The following NRXN1 variants were observed in gnomAD, a reference collection of about 807,000 sequenced individuals.
NRXN1 encodes the protein neurexin-1.
In NRXN1, 39 loss-of-function variants were observed where a neutral mutation model predicts 150.9. That is an observed-to-expected ratio of 0.26 (90% CI 0.20 to 0.34). The LOEUF (loss-of-function observed/expected upper bound fraction) is 0.34. Among genes scored for constraint, NRXN1 ranks in the 10% least tolerant of loss-of-function variants. NRXN1 has a pLI of 1.00. For missense variants in NRXN1, 1,815 were observed against 1,949.9 expected (o/e 0.93, Z 1.30); for synonymous variants, 924 against 757.0 (o/e 1.22, Z -3.62).
At chr2:50,018,054 A>C (rs2152555764) in intron 21 of NRXN1, among the ~76,000 whole-genome samples, 1 of 152,282 alleles carries the variant, frequency 6.6e-6, no homozygotes, top group South Asian at 2.1e-4. Flanking sequence ...ACAGACTGTA[A>C]CCTTGATGCT....
intron 17 of NRXN1, among the ~76,000 whole-genome samples, chr2:50,426,009 G>C (rs1251514332): frequency 6.6e-6 from 1 of 152,160 alleles, no homozygotes; most frequent in African/African-American, 2.4e-5. Context: ...ACTTGTTACA[G>C]AGACATTTTA....
chr2:50,225,945 TG>T (rs1476671817), intron 18 of NRXN1, among the ~76,000 whole-genome samples: 1 of 151,978 alleles, frequency 6.6e-6, no homozygotes, highest in Non-Finnish European at 1.5e-5. Context: ...ATGTGATATG[TG>T]GTATACTAAA....
At chr2:50,217,669 G>T (rs2063497850) in intron 18 of NRXN1, among the ~76,000 whole-genome samples, 1 of 151,998 alleles carries the variant, frequency 6.6e-6, no homozygotes, top group South Asian at 2.1e-4. Flanking sequence ...GGTCTGTGGA[G>T]CAAGTCTGTC....
At chr2:50,640,889 C>A (rs939032272) in intron 5 of NRXN1, among the ~76,000 whole-genome samples, 2 of 152,074 alleles carry the variant, frequency 1.3e-5, no homozygotes, top group African/African-American at 4.8e-5. Flanking sequence ...AAGAAGGCAA[C>A]TGTCGATATT....
intron 9 of NRXN1, among the ~76,000 whole-genome samples, chr2:50,546,892 G>A (rs1401139442): frequency 6.6e-6 from 1 of 152,180 alleles, no homozygotes; most frequent in East Asian, 1.9e-4. Context: ...AGGCATGGGA[G>A]GAACATTTAC....
chr2:50,324,973 A>G (rs1454144364), intron 17 of NRXN1, among the ~76,000 whole-genome samples: 3 of 152,184 alleles, frequency 2.0e-5, no homozygotes, highest in Non-Finnish European at 4.4e-5. Context: ...TGCACTACCC[A>G]GAATTTCAGG....
chr2:50,700,902 G>A (rs895195163), intron 5 of NRXN1, among the ~76,000 whole-genome samples: 3 of 151,552 alleles, frequency 2.0e-5, no homozygotes, highest in Admixed American at 6.6e-5. Flanking sequence ...TCCTGACCTC[G>A]TGATCTGCCC....
chr2:50,437,427 G>A (rs535072982), intron 17 of NRXN1, among the ~76,000 whole-genome samples: 7 of 152,204 alleles, frequency 4.6e-5, no homozygotes, highest in Admixed American at 6.5e-5. Flanking sequence ...ATGTTCTAAC[G>A]CAAGTCCCAG....
intron 21 of NRXN1, among the ~76,000 whole-genome samples, chr2:50,004,020 A>AT (rs920867335): frequency 3.3e-4 from 50 of 152,276 alleles, no homozygotes; most frequent in African/African-American, 1.2e-3. Flanking sequence ...GAGGTAAAAA[A>AT]GCCACAGGGT....
rs572082188 is a variant in NRXN1 at position 50,464,783 on chromosome 2, A to C, written c.3364+659T>G. 2.6e-5 allele frequency among the ~76,000 whole-genome samples: 4 copies of C among 152,068 alleles called. No individual in the cohort carries two copies. In the East Asian group the frequency reaches 7.7e-4, roughly 29 times the overall value. ...TTAGAACATTAAGACACAGAACTTC[A>C]TCTTATAGATCAGTTAATTCCATCT... On this transcript the variant is annotated intron_variant, in intron 17 of 22. Transcript: ENST00000401669.
chr2:50,780,397 T>A (rs1201185055), intron 5 of NRXN1, among the ~76,000 whole-genome samples: 3 of 152,200 alleles, frequency 2.0e-5, no homozygotes, highest in African/African-American at 7.2e-5. Flanking sequence ...ATAATTTTAA[T>A]GGTTCCCTGA....
intron 18 of NRXN1, among the ~76,000 whole-genome samples, chr2:50,158,047 A>G (rs2059131145): frequency 6.8e-6 from 1 of 147,582 alleles, no homozygotes; most frequent in Admixed American, 7.0e-5. Flanking sequence ...TCCTTCAGGA[A>G]TATTTATAAG....
At chr2:49,973,636 C>G (rs1678371069) in intron 21 of NRXN1, 2 of 331,380 alleles carry the variant, frequency 6.0e-6, no homozygotes, top group Non-Finnish European at 5.6e-6. Context: ...CACACACACA[C>G]ACAGACACAA....
intron 2 of NRXN1, among the ~76,000 whole-genome samples, chr2:50,930,879 G>A (rs1687637741): frequency 6.6e-6 from 1 of 152,118 alleles, no homozygotes; most frequent in South Asian, 2.1e-4. Flanking sequence ...TCCTAAGAAA[G>A]GTGGCTCAGG....
chr2:50,947,605 A>G (rs749016166), intron 2 of NRXN1, among the ~76,000 whole-genome samples: 4 of 151,968 alleles, frequency 2.6e-5, no homozygotes, highest in Admixed American at 6.6e-5. Flanking sequence ...AGCTTAGATT[A>G]TATTCTAACC....
chr2:49,984,884 T>C (rs1420018998), intron 21 of NRXN1, among the ~76,000 whole-genome samples: 4 of 152,198 alleles, frequency 2.6e-5, no homozygotes, highest in African/African-American at 9.7e-5. Flanking sequence ...AGATTTTGTT[T>C]CTTATTTGGT....
intron 5 of NRXN1, among the ~76,000 whole-genome samples, chr2:50,730,952 C>T (rs1011199716): frequency 1.3e-5 from 2 of 152,146 alleles, no homozygotes; most frequent in Non-Finnish European, 2.9e-5. Context: ...GGATTACAGG[C>T]GTGAGCCACC....
intron 18 of NRXN1, among the ~76,000 whole-genome samples, chr2:50,121,996 A>G (rs1432579966): frequency 6.6e-6 from 1 of 152,220 alleles, no homozygotes; most frequent in Non-Finnish European, 1.5e-5. Context: ...GTACAAAAAT[A>G]TATTTCAAGA....
chr2:50,416,476 A>G (rs1193538097), intron 17 of NRXN1, among the ~76,000 whole-genome samples: 3 of 152,104 alleles, frequency 2.0e-5, no homozygotes, highest in African/African-American at 7.2e-5. Context: ...CATAAAATTA[A>G]TAATTTCTAT....
Sources: allele counts gnomAD v4.1 joint callset (sites outside exome capture counted in the v4.1 genomes callset), GRCh38; gene constraint gnomAD v4.1.1; transcripts MANE v1.5; gene names NCBI Gene and HGNC (gene_info 2026-07-23, HGNC 2026-07-21).